The following SIMC1 variants were observed in gnomAD, a reference collection of about 807,000 sequenced individuals.
The protein encoded by SIMC1 is SUMO interacting motifs containing 1.
A neutral mutation model predicts 82.3 loss-of-function variants in SIMC1; 55 were observed. The observed-to-expected ratio is 0.67, with a 90% CI of 0.54 to 0.84. The LOEUF (loss-of-function observed/expected upper bound fraction) is 0.84, where lower values mean the gene tolerates loss of function less well. SIMC1 is among the 40% of genes least tolerant of loss of function. SIMC1 has a pLI of 0.00. For missense variants in SIMC1, 915 were observed against 1,107.2 expected (o/e 0.83, Z 2.46); for synonymous variants, 353 against 426.3 (o/e 0.83, Z 2.12).
At position 176,290,244 on chromosome 5, in the gene SIMC1, C is replaced by G. The variant is rs529638463; in HGVS notation, c.720C>G (p.Ser240=). 3 of 1,612,926 alleles carry G rather than the reference C, an allele frequency of 1.9e-6. No homozygotes were observed. The highest frequency in any genetic ancestry group is 2.2e-5 in the South Asian group (2 of 91,006). ...PRASPCPPRA[S]SCPPRALSCP... is the part of the protein sequence containing the mutation. ...CCTCACCATGTCCACCACGAGCCTCCTCATGCCCACCACGAGCCTTGTCAT... is the reference window on the plus strand; with the variant it reads ...CCTCACCATGTCCACCACGAGCCTCGTCATGCCCACCACGAGCCTTGTCAT... The change falls in exon 2 of 10, where the codon TCC becomes TCG. Residue 240 remains serine (S), a synonymous_variant. Coordinates refer to ENST00000429602, the MANE Select transcript of SIMC1 (RefSeq NM_001308195.2).
chr5:176,314,917 G>C (rs1022584064), intron 5 of SIMC1, among the ~76,000 whole-genome samples: 3 of 152,066 alleles, frequency 2.0e-5, no homozygotes, highest in African/African-American at 7.2e-5. Context: ...TATAAAATAG[G>C]CTTTTGTGTT....
intron 5 of SIMC1, 72 bp downstream of exon 5, chr5:176,313,917 A>G: frequency 6.3e-7 from 1 of 1,589,814 alleles, no homozygotes; most frequent in Non-Finnish European, 8.6e-7. Flanking sequence ...GAAGGCCAGA[A>G]TATCAGCCAG....
chr5:176,325,329 T>C (rs1285560511), intron 7 of SIMC1, among the ~76,000 whole-genome samples: 2 of 152,014 alleles, frequency 1.3e-5, no homozygotes, highest in Non-Finnish European at 2.9e-5. Context: ...GAGGTTGCAG[T>C]GAGCTGAGAT....
At chr5:176,287,180 G>A (rs1263955126) in intron 1 of SIMC1, among the ~76,000 whole-genome samples, 4 of 152,120 alleles carry the variant, frequency 2.6e-5, no homozygotes, top group Non-Finnish European at 4.4e-5. Context: ...ACATGCACAC[G>A]TATGTTTATT....
chr5:176,284,458 G>A (rs1763170172), intron 1 of SIMC1, among the ~76,000 whole-genome samples: 1 of 152,154 alleles, frequency 6.6e-6, no homozygotes, highest in Non-Finnish European at 1.5e-5. Context: ...CAGAAATAAA[G>A]GTGCTCTTTG....
chr5:176,252,366 G>A (rs1473439157), intron 1 of SIMC1, among the ~76,000 whole-genome samples: 8 of 148,858 alleles, frequency 5.4e-5, no homozygotes, highest in African/African-American at 2.0e-4. Context: ...GGGCGGAGGG[G>A]CTCCTCACTT....
At chr5:176,307,260 G>GA (rs1248088071) in intron 4 of SIMC1, among the ~76,000 whole-genome samples, 20 of 152,346 alleles carry the variant, frequency 1.3e-4, no homozygotes, top group African/African-American at 4.8e-4. Flanking sequence ...GAAATGGGAA[G>GA]TTGTTCAATG....
chr5:176,288,429 A>ATAAATAAATAAATAAT (rs1233857140), intron 1 of SIMC1, among the ~76,000 whole-genome samples: 2 of 112,810 alleles, frequency 1.8e-5, no homozygotes, highest in Non-Finnish European at 4.1e-5. Flanking sequence ...GAATGAATAA[A>ATAAATAAATAAATAAT]TAAATAAATA....
At position 176,336,796 on chromosome 5, in the gene SIMC1, G is replaced by A. The variant is rs765714013; in HGVS notation, c.2248G>A (p.Glu750Lys). The change falls in exon 8 of 10, where the codon GAG becomes AAG. Residue 750 changes from glutamate to lysine, a missense_variant. Around this residue, in one of 2 missense-constraint regions of SIMC1, gnomAD observed 902 missense variants for 1,040.3 expected, o/e 0.87. Coordinates refer to ENST00000429602, the MANE Select transcript of SIMC1 (RefSeq NM_001308195.2). ...VLEIIFLHSCETPTRLPLSLA... is the reference protein window; with the variant it reads ...VLEIIFLHSCKTPTRLPLSLA... ...AGAAATCATATTCCTCCACAGCTGT[G>A]AGACACCCACCCGCCTGCCTCTGTC... 1.2e-6 allele frequency: 2 copies of A among 1,613,974 alleles called. No homozygotes were observed. Among genetic ancestry groups the A allele is most frequent in the Admixed American group, 3.3e-5 (2 of 60,012 alleles).
intron 1 of SIMC1, among the ~76,000 whole-genome samples, chr5:176,257,859 T>C (rs1397711487): frequency 3.3e-5 from 5 of 152,174 alleles, no homozygotes; most frequent in Non-Finnish European, 7.4e-5. Flanking sequence ...GGATATTTAA[T>C]AGCATCTCTG....
At position 176,324,729 on chromosome 5, in the gene SIMC1, G is replaced by A. The variant is rs1765302247; in HGVS notation, c.2143G>A (p.Val715Met). The change falls in exon 7 of 10, where the codon GTG becomes ATG. Residue 715 changes from valine (V) to methionine (M), a missense_variant. Around this residue, in one of 2 missense-constraint regions of SIMC1, gnomAD observed 902 missense variants for 1,040.3 expected, o/e 0.87. Coordinates refer to ENST00000429602, the MANE Select transcript of SIMC1 (RefSeq NM_001308195.2). Reference sequence around the variant, plus strand: ...AATTGCCGAGATGATGTTTGGGTTTGTGCTGGACATTCCTGAGAGGAGCCA... The same window carrying A: ...AATTGCCGAGATGATGTTTGGGTTTATGCTGGACATTCCTGAGAGGAGCCA... Reference protein sequence around the residue: ...NKIAEMMFGFVLDIPERSQRE... With the variant: ...NKIAEMMFGFMLDIPERSQRE... 1.2e-6 allele frequency: 2 copies of A among 1,600,748 alleles called. No homozygotes were observed. Among genetic ancestry groups the A allele is most frequent in the South Asian group, 2.3e-5 (2 of 88,602 alleles).
chr5:176,308,090 C>T (rs781534682), intron 4 of SIMC1: 6 of 753,904 alleles, frequency 8.0e-6, no homozygotes, highest in Non-Finnish European at 9.6e-6. Flanking sequence ...GCAGGCGGTG[C>T]AGGCAGTTCA....
At position 176,290,892 on chromosome 5, in the gene SIMC1, C is replaced by G. The variant is rs2113264171; in HGVS notation, c.1368C>G (p.Phe456Leu). The change falls in exon 2 of 10, where the codon TTC becomes TTG. Residue 456 changes from phenylalanine to leucine, a missense_variant. Transcript: ENST00000429602. ...CATGCCTGCATAGACTGAAGTACTT[C>G]TTACGTCCTCCGGTTCATCACCTCT... ...NRPCLHRLKY[F>L]LRPPVHHLFF... is the part of the protein sequence containing the mutation. 6.2e-7 allele frequency: 1 copy of G among 1,612,256 alleles called. No homozygotes were observed. Among genetic ancestry groups the G allele is most frequent in the East Asian group, 2.2e-5 (1 of 44,852 alleles).
At chr5:176,329,356 A>G (rs1765531448) in intron 7 of SIMC1, among the ~76,000 whole-genome samples, 1 of 152,130 alleles carries the variant, frequency 6.6e-6, no homozygotes. Flanking sequence ...CTGTAGTCCC[A>G]GCTACTCGGG....
chr5:176,304,754 C>T lies in SIMC1; in HGVS notation c.1734+8434C>T, dbSNP rs1417583380. ...TCTAGGAAGTGAGGAGCGCCTCTTCCCAGCCGCCATCCATCTAGGAAGTGA... is the reference window on the plus strand; with the variant it reads ...TCTAGGAAGTGAGGAGCGCCTCTTCTCAGCCGCCATCCATCTAGGAAGTGA... On this transcript the variant is annotated intron_variant, in intron 4 of 9. Transcript: ENST00000429602. Among the ~76,000 whole-genome samples, 18 of 151,566 alleles carry T rather than the reference C, an allele frequency of 1.2e-4. 1 individual carries two copies. In the South Asian group the frequency reaches 3.1e-3, roughly 26 times the overall value.
intron 1 of SIMC1, among the ~76,000 whole-genome samples, chr5:176,282,781 G>C (rs112433398): frequency 0.14 from 21,417 of 152,202 alleles, 1,525 homozygotes; most frequent in Middle Eastern, 0.21. Flanking sequence ...CTTGAGAAAA[G>C]ATTAGACGAA....
At chr5:176,285,361 A>C (rs1440572078) in intron 1 of SIMC1, among the ~76,000 whole-genome samples, 1 of 152,248 alleles carries the variant, frequency 6.6e-6, no homozygotes, top group East Asian at 1.9e-4. Flanking sequence ...GTAATCCAGC[A>C]TATAAACAGA....
At chr5:176,305,705 G>A (rs1194277432) in intron 4 of SIMC1, among the ~76,000 whole-genome samples, 187 of 85,712 alleles carry the variant, frequency 2.2e-3, no homozygotes, top group African/African-American at 2.3e-3. Context: ...CGGGAGGGAG[G>A]TGGGGGGGTC....
intron 1 of SIMC1, among the ~76,000 whole-genome samples, chr5:176,242,199 T>C: frequency 6.6e-6 from 1 of 152,076 alleles, no homozygotes; most frequent in East Asian, 1.9e-4. Flanking sequence ...TCTGTGGTAG[T>C]AGGACATTAT....
Sources: allele counts gnomAD v4.1 joint callset (sites outside exome capture counted in the v4.1 genomes callset), GRCh38; gene constraint gnomAD v4.1.1; regional missense constraint gnomAD v4.1.1; transcripts MANE v1.5; gene names NCBI Gene and HGNC (gene_info 2026-07-23, HGNC 2026-07-21).